Variants in RARB observed in about 807,000 individuals in gnomAD.
The protein encoded by RARB is retinoic acid receptor beta, also known as HBV-activated protein.
RARB carries 17 observed loss-of-function variants against 51.9 expected under a neutral mutation model. The ratio of observed to expected loss-of-function variants is 0.33; its 90% CI spans 0.22 to 0.49. The LOEUF (loss-of-function observed/expected upper bound fraction) is 0.49. Ranked by LOEUF, RARB falls within the 20% of genes least tolerant of loss-of-function variation. RARB has a pLI of 0.99. For missense variants in RARB, 369 were observed against 550.8 expected, an observed-to-expected ratio of 0.67 and a Z score of 3.30; for synonymous variants, 215 against 195.4, an observed-to-expected ratio of 1.10 and a Z score of -0.84.
At chr3:24,949,679 A>G (rs1415837290) in intron 2 of RARB, among the ~76,000 whole-genome samples, 1 of 152,242 alleles carries the variant, frequency 6.6e-6, no homozygotes, top group African/African-American at 2.4e-5. Context: ...CTTCAATTCT[A>G]TCTAAAATGC....
chr3:25,587,817 C>T (rs1301097585), intron 5 of RARB, among the ~76,000 whole-genome samples: 1 of 152,238 alleles, frequency 6.6e-6, no homozygotes, highest in Non-Finnish European at 1.5e-5. Flanking sequence ...GATCTGCCCA[C>T]ATGTTGCCAA....
In RARB at chr3:25,130,991, CAATATTTATTTATTATTT is replaced by C. The variant is rs1699942805; in HGVS notation, c.-327-1168_-327-1151del. Among the ~76,000 whole-genome samples, 17 of 30,108 alleles carry C rather than the reference CAATATTTATTTATTATTT, an allele frequency of 5.6e-4. No individual in the cohort carries two copies. The Admixed American group carries it at 8.6e-3, about 15-fold the overall frequency. 19.8% of individuals were successfully genotyped at this position (30,108 alleles called of 152,430 possible). ...CAATATTTATTATTGATAATATTAT[CAATATTTATTTATTATTT>C]ATCAATGAAATTATATATTTTATCA... On this transcript the variant is annotated intron_variant, in intron 3 of 11. Transcript: ENST00000383772.
Position 25,355,582 on chromosome 3 carries a change from TA to T in RARB, c.179-105602del, listed in dbSNP as rs143613670. ...AACCACTGAGCCTGATTTAACCTTT[TA>T]AAAAAAAATTGTCATTATTCTATAG... On this transcript the variant is annotated intron_variant, in intron 5 of 11. Coordinates refer to the RARB transcript ENST00000383772. Among the ~76,000 whole-genome samples, 1,403 of 151,656 alleles carry T rather than the reference TA, an allele frequency of 9.3e-3. 22 individuals are homozygous for T. The highest frequency in any genetic ancestry group is 0.029 in the African/African-American group (1,199 of 41,360).
chr3:25,417,581 C>G (rs918383589), intron 5 of RARB, among the ~76,000 whole-genome samples: 2 of 152,156 alleles, frequency 1.3e-5, no homozygotes, highest in Non-Finnish European at 2.9e-5. Context: ...GTGAGATGTG[C>G]CTTTCACCTT....
intron 5 of RARB, among the ~76,000 whole-genome samples, chr3:25,200,288 G>GTT (rs1701357526): frequency 6.7e-6 from 1 of 149,104 alleles, no homozygotes; most frequent in Non-Finnish European, 1.5e-5. Context: ...CTTTCTGGTG[G>GTT]GTTTTTTTTT....
At chr3:25,578,564 C>T (rs149571847) in intron 4 of RARB, among the ~76,000 whole-genome samples, 94 of 152,330 alleles carry the variant, frequency 6.2e-4, no homozygotes, top group African/African-American at 2.1e-3. Flanking sequence ...CATCTTCCTA[C>T]GAACCGGATA....
intron 5 of RARB, among the ~76,000 whole-genome samples, chr3:25,313,501 T>C (rs1487515604): frequency 6.6e-6 from 1 of 152,184 alleles, no homozygotes; most frequent in Non-Finnish European, 1.5e-5. Context: ...TTGTGAAACT[T>C]CTTTGCCTGG....
intron 1 of RARB, among the ~76,000 whole-genome samples, chr3:24,840,265 A>C (rs1435545351): frequency 6.6e-6 from 1 of 152,238 alleles, no homozygotes; most frequent in Non-Finnish European, 1.5e-5. Context: ...ATTTAAAAAT[A>C]ACAGACTTGT....
intron 2 of RARB, among the ~76,000 whole-genome samples, chr3:25,499,516 CAA>C (rs544081017): frequency 2.3e-3 from 348 of 152,290 alleles, no homozygotes; most frequent in Non-Finnish European, 3.3e-3. Flanking sequence ...ACGGGGAAGA[CAA>C]AGAGGAAGTT....
rs117639541 is a variant in RARB at position 25,207,200 on chromosome 3, C to T, written c.178+32625C>T. ...AGGGCAGAATAATGAGGTCATTTGC[C>T]TGGAGATATAGTTCCAACTCAGATC... On this transcript the variant is annotated intron_variant, in intron 5 of 11. Transcript: ENST00000383772. Among the ~76,000 whole-genome samples, 605 of 152,210 alleles carry T rather than the reference C, an allele frequency of 4.0e-3. 10 individuals are homozygous for T. The highest frequency in any genetic ancestry group is 0.03 in the East Asian group (155 of 5,180).
At chr3:25,133,223 T>G (rs935291431) in intron 4 of RARB, among the ~76,000 whole-genome samples, 2 of 151,990 alleles carry the variant, frequency 1.3e-5, no homozygotes, top group African/African-American at 4.8e-5. Context: ...AACTTGAACG[T>G]CTCCACATTT....
intron 5 of RARB, among the ~76,000 whole-genome samples, chr3:25,387,492 C>G (rs1296516650): frequency 4.6e-5 from 7 of 152,056 alleles, no homozygotes; most frequent in African/African-American, 1.7e-4. Context: ...ATGTTGTGTA[C>G]GCAATCATTC....
intron 2 of RARB, among the ~76,000 whole-genome samples, chr3:24,976,300 G>C (rs1465429920): frequency 6.6e-6 from 1 of 152,144 alleles, no homozygotes; most frequent in African/African-American, 2.4e-5. Context: ...TGGGATTGCT[G>C]GGTCAAATGA....
chr3:24,916,904 A>C (rs926856796), intron 2 of RARB, among the ~76,000 whole-genome samples: 2 of 152,210 alleles, frequency 1.3e-5, no homozygotes, highest in African/African-American at 2.4e-5. Context: ...CTTAGGAAAA[A>C]CATGGATGAA....
chr3:25,529,388 G>A (rs911253406), intron 3 of RARB, among the ~76,000 whole-genome samples: 4 of 151,718 alleles, frequency 2.6e-5, no homozygotes, highest in African/African-American at 9.7e-5. Context: ...AGAAAAACAT[G>A]GATGAGGCTT....
At chr3:25,173,273 A>G (rs1317056305) in intron 4 of RARB, among the ~76,000 whole-genome samples, 2 of 152,222 alleles carry the variant, frequency 1.3e-5, no homozygotes, top group African/African-American at 4.8e-5. Flanking sequence ...ATATGACCTC[A>G]ATCAATAGTT....
intron 2 of RARB, among the ~76,000 whole-genome samples, chr3:25,480,463 C>T (rs1246955182): frequency 6.6e-6 from 1 of 152,134 alleles, no homozygotes; most frequent in Non-Finnish European, 1.5e-5. Flanking sequence ...TGATTTTCTG[C>T]CTATGTCATG....
At chr3:25,501,095 C>T in intron 2 of RARB, 87 bp from the exon 3 acceptor site, 1 of 1,426,002 alleles carries the variant, frequency 7.0e-7, no homozygotes, top group Non-Finnish European at 9.3e-7. Flanking sequence ...TCAAAAAGAG[C>T]AATTAATGCA....
At chr3:25,094,236 C>G (rs1441932219) in intron 3 of RARB, among the ~76,000 whole-genome samples, 2 of 152,138 alleles carry the variant, frequency 1.3e-5, no homozygotes, top group East Asian at 3.9e-4. Context: ...GTTAATAACA[C>G]TAAAGTCTGT....
Sources: gnomAD v4.1 joint callset for allele counts (sites outside exome capture counted in the v4.1 genomes callset) on GRCh38, gnomAD v4.1.1 for gene constraint, MANE v1.5 for transcripts, NCBI Gene and HGNC (gene_info 2026-07-23, HGNC 2026-07-21) for gene names.